PTPRK: variants seen among roughly 807,000 people sequenced by gnomAD.
The protein encoded by PTPRK is protein tyrosine phosphatase receptor type K.
A neutral mutation model predicts 178.0 loss-of-function variants in PTPRK; 75 were observed. The observed-to-expected ratio is 0.42, with a 90% CI of 0.35 to 0.51. The LOEUF is 0.51. PTPRK is among the 20% of genes least tolerant of loss of function. PTPRK has a pLI of 0.02. For missense variants in PTPRK, 1,441 were observed against 1,797.8 expected (o/e 0.80, Z 3.59); for synonymous variants, 637 against 620.6 (o/e 1.03, Z -0.39).
At chr6:128,479,820 G>A (rs1851828446) in intron 1 of PTPRK, among the ~76,000 whole-genome samples, 1 of 152,012 alleles carries the variant, frequency 6.6e-6, no homozygotes, top group South Asian at 2.1e-4. Flanking sequence ...TCTAACTTCT[G>A]GTTTTTGGTT....
chr6:127,985,965 G>A, intron 21 of PTPRK, 90 bp from the exon 22 acceptor site: 2 of 1,249,386 alleles, frequency 1.6e-6, no homozygotes, highest in Non-Finnish European at 2.2e-6. Context: ...AGACCCAACT[G>A]ACAATGATAA....
chr6:128,171,386 C>A (rs867010975), intron 7 of PTPRK, among the ~76,000 whole-genome samples: 1 of 152,020 alleles, frequency 6.6e-6, no homozygotes, highest in East Asian at 1.9e-4. Flanking sequence ...AATGCGAGCA[C>A]CTTAACAGTA....
At chr6:128,209,460 C>T (rs1807653491) in intron 6 of PTPRK, among the ~76,000 whole-genome samples, 1 of 152,108 alleles carries the variant, frequency 6.6e-6, no homozygotes, top group Non-Finnish European at 1.5e-5. Context: ...TATCCAAATG[C>T]TACCCACCCA....
intron 5 of PTPRK, among the ~76,000 whole-genome samples, chr6:128,222,626 C>A (rs1418100911): frequency 6.6e-6 from 1 of 152,196 alleles, no homozygotes; most frequent in African/African-American, 2.4e-5. Context: ...CAGTCTCTCA[C>A]TCCTTCAATC....
intron 2 of PTPRK, among the ~76,000 whole-genome samples, chr6:128,388,508 C>A (rs555771966): frequency 3.3e-4 from 50 of 152,282 alleles, no homozygotes; most frequent in African/African-American, 1.2e-3. Context: ...CTGGAAAAGG[C>A]ATAAGAGATA....
intron 7 of PTPRK, among the ~76,000 whole-genome samples, chr6:128,129,427 A>C (rs1793874440): frequency 1.3e-5 from 2 of 152,116 alleles, no homozygotes; most frequent in Non-Finnish European, 2.9e-5. Context: ...TCATTAGAAC[A>C]CCCATTAGCT....
chr6:128,303,437 T>A (rs999173725), intron 3 of PTPRK, among the ~76,000 whole-genome samples: 1 of 152,180 alleles, frequency 6.6e-6, no homozygotes, highest in African/African-American at 2.4e-5. Flanking sequence ...AGGTGAGAAG[T>A]AAGACAGAGA....
intron 24 of PTPRK, among the ~76,000 whole-genome samples, chr6:127,982,050 G>A (rs1775407034): frequency 6.6e-6 from 1 of 152,006 alleles, no homozygotes; most frequent in African/African-American, 2.4e-5. Flanking sequence ...ATGTTGGCCA[G>A]GCTGGTCTTG....
intron 21 of PTPRK, among the ~76,000 whole-genome samples, chr6:127,987,769 G>T (rs1383124328): frequency 6.6e-6 from 1 of 152,022 alleles, no homozygotes; most frequent in East Asian, 1.9e-4. Context: ...TAACATTCAT[G>T]ATTGTAGAAG....
intron 12 of PTPRK, among the ~76,000 whole-genome samples, chr6:128,066,523 G>C (rs901567462): frequency 2.0e-5 from 3 of 151,956 alleles, no homozygotes; most frequent in African/African-American, 7.3e-5. Context: ...GATATAATAT[G>C]ACTGATGTAA....
At chr6:128,005,919 T>G in intron 14 of PTPRK, 1 of 879,132 alleles carries the variant, frequency 1.1e-6, no homozygotes, top group East Asian at 3.2e-5. Context: ...TGAAAAAACT[T>G]TTTTTTTGAA....
chr6:128,105,363 G>A (rs1789544354), intron 7 of PTPRK, among the ~76,000 whole-genome samples: 1 of 152,076 alleles, frequency 6.6e-6, no homozygotes. Flanking sequence ...TTGATCTCCT[G>A]ACCTTGTGAT....
At chr6:128,423,603 G>A (rs1032461450) in intron 1 of PTPRK, among the ~76,000 whole-genome samples, 1 of 152,058 alleles carries the variant, frequency 6.6e-6, no homozygotes, top group African/African-American at 2.4e-5. Flanking sequence ...GCAGAGGCGG[G>A]TGGATCATGA....
intron 13 of PTPRK, among the ~76,000 whole-genome samples, chr6:128,042,931 G>A (rs1215774493): frequency 1.3e-5 from 2 of 151,936 alleles, no homozygotes; most frequent in African/African-American, 4.8e-5. Flanking sequence ...TGACATAAAT[G>A]TCTATGAAGG....
intron 5 of PTPRK, among the ~76,000 whole-genome samples, chr6:128,231,698 C>T (rs1583596608): frequency 6.6e-6 from 1 of 152,212 alleles, no homozygotes; most frequent in East Asian, 1.9e-4. Flanking sequence ...TTCACTCCTA[C>T]TGAGGAACAC....
At position 128,034,168 on chromosome 6, in the gene PTPRK, A is replaced by C. The variant is rs556126628; in HGVS notation, c.2195-24900T>G. 7.0e-4 allele frequency among the ~76,000 whole-genome samples: 107 copies of C among 152,330 alleles called. 1 individual carries two copies. Among genetic ancestry groups the C allele is most frequent in the Non-Finnish European group, 1.1e-3 (72 of 68,032 alleles). ...TTATTATGTTTTTTATACAAAGGGC[A>C]GTACATTCTTTTCACCAGAAACATC... On this transcript the variant is annotated intron_variant, in intron 13 of 29. Transcript: ENST00000368226.
At chr6:128,071,411 T>C (rs115804306) in intron 11 of PTPRK, among the ~76,000 whole-genome samples, 2,172 of 152,090 alleles carry the variant, frequency 0.014, 59 homozygotes, top group African/African-American at 0.049. Flanking sequence ...GAAACTGAAA[T>C]TGTACTACTT....
At chr6:128,256,478 C>CTGTT (rs1371444062) in intron 3 of PTPRK, among the ~76,000 whole-genome samples, 1 of 146,330 alleles carries the variant, frequency 6.8e-6, no homozygotes, top group East Asian at 2.0e-4. Flanking sequence ...GAGTCTCGTT[C>CTGTT]TGTTGCCAGG....
chr6:128,195,338 T>C (rs1400035952), intron 6 of PTPRK, among the ~76,000 whole-genome samples: 1 of 151,946 alleles, frequency 6.6e-6, no homozygotes, highest in Non-Finnish European at 1.5e-5. Flanking sequence ...TTCAAGTCAA[T>C]ACCAAATAAC....
Sources: gnomAD v4.1 joint callset for allele counts (sites outside exome capture counted in the v4.1 genomes callset) on GRCh38, gnomAD v4.1.1 for gene constraint, MANE v1.5 for transcripts, NCBI Gene and HGNC (gene_info 2026-07-23, HGNC 2026-07-21) for gene names.